DDR1: variants seen among roughly 807,000 people sequenced by gnomAD.
The protein encoded by DDR1 is discoidin domain receptor tyrosine kinase 1.
A neutral mutation model predicts 97.4 loss-of-function variants in DDR1; 64 were observed. The ratio of observed to expected loss-of-function variants is 0.66; its 90% CI spans 0.54 to 0.81. The LOEUF is 0.81. Among genes scored for constraint, DDR1 ranks in the 30% least tolerant of loss-of-function variants. The pLI, the probability that DDR1 is intolerant of heterozygous loss-of-function variation, is 0.00. For synonymous variants in DDR1, 458 were observed against 503.7 expected (o/e 0.91, Z 1.21); for missense variants, 990 against 1,259.6 (o/e 0.79, Z 3.24).
At position 30,889,415 on chromosome 6, in the gene DDR1, C is replaced by G. The variant is rs1419319558; in HGVS notation, c.402C>G (p.Asp134Glu). 1 of 1,554,770 alleles carries G rather than the reference C, an allele frequency of 6.4e-7. No individual in the cohort carries two copies. The highest frequency in any genetic ancestry group is 8.7e-7 in the Non-Finnish European group (1 of 1,151,080). ...RDGRRWMGWK[D>E]RWGQEVISGN... ...GTCGCCGCTGGATGGGCTGGAAGGA[C>G]CGCTGGGGTCAGGAGGTGAGACTGG... The change falls in exon 4 of 18, where the codon GAC becomes GAG. Residue 134 changes from aspartate (D) to glutamate (E), a missense_variant. Coordinates refer to ENST00000376568, the MANE Select transcript of DDR1 (RefSeq NM_001297654.2). The surrounding 1 kb of genome is among the most constrained non-coding windows in gnomAD (Gnocchi z 4.9).
Position 30,891,574 on chromosome 6 carries a change from G to T in DDR1, c.665+95G>T. ...GTGTGTGTGAGAGTGTGTGTGTGTA[G>T]GGGGGCTGGTAAGTAGGGTGGGGAG... On this transcript the variant is annotated intron_variant, in intron 6 of 17. Transcript: ENST00000376568. This position sits in a 1 kb window ranked among gnomAD's most constrained non-coding sequence, Gnocchi z 5.3. 6 of 817,442 alleles carry T rather than the reference G, an allele frequency of 7.3e-6. No homozygotes were observed. Among genetic ancestry groups the T allele is most frequent in the Non-Finnish European group, 1.1e-5 (6 of 536,938 alleles). The allele number at this position is 817,442 out of a possible 1,614,324, so 50.6% of individuals were successfully genotyped here. A position where few individuals can be genotyped will look rare whatever the true frequency, so the allele number is the denominator to read the frequency against.
Position 30,897,352 on chromosome 6 carries a change from C to T in DDR1, c.1998-27C>T. The T allele has an allele frequency of 3.1e-6, 5 of 1,612,594 alleles. No individual in the cohort carries two copies. The highest frequency in any genetic ancestry group is 1.1e-5 in the South Asian group (1 of 90,908). On this transcript the variant is annotated intron_variant, in intron 14 of 17. Coordinates refer to ENST00000376568, the MANE Select transcript of DDR1 (RefSeq NM_001297654.2). This position sits in a 1 kb window ranked among gnomAD's most constrained non-coding sequence, Gnocchi z 5.2. ...AGGTGCAGGCCGCCCACTCGGCATT[C>T]CTCTTCAGCTTCTCCTTGTTCTCCA...
chr6:30,897,637 C>A lies in DDR1; in HGVS notation c.2216+40C>A. The A allele has an allele frequency of 1.3e-6, 2 of 1,523,970 alleles. No individual in the cohort carries two copies. The highest frequency in any genetic ancestry group is 1.8e-6 in the Non-Finnish European group (2 of 1,115,540). The allele number at this position is 1,523,970 out of a possible 1,614,324, so 94.4% of individuals were successfully genotyped here. On this transcript the variant is annotated intron_variant, in intron 15 of 17. Transcript: ENST00000376568. This position sits in a 1 kb window ranked among gnomAD's most constrained non-coding sequence, Gnocchi z 5.2. Reference sequence around the variant, plus strand: ...AGGCTGGGCCTTGCTCAGAATTCCCCCAGGGGATCTCCTCCTCTCCCCTCG... The same window carrying A: ...AGGCTGGGCCTTGCTCAGAATTCCCACAGGGGATCTCCTCCTCTCCCCTCG...
chr6:30,885,625 G>T lies in DDR1; in HGVS notation c.-43+915G>T, dbSNP rs568430978. 9 of 1,355,490 alleles carry T rather than the reference G, an allele frequency of 6.6e-6. No individual in the cohort carries two copies. In the African/African-American group the frequency reaches 1.2e-4, roughly 17 times the overall value. 84.0% of individuals were successfully genotyped at this position (1,355,490 alleles called of 1,614,324 possible). ...GGTGTCTGTCATTTCATGTTCACAGGTGTCTGAAGGTGGCTATTCACTGAG... is the reference window on the plus strand; with the variant it reads ...GGTGTCTGTCATTTCATGTTCACAGTTGTCTGAAGGTGGCTATTCACTGAG... On this transcript the variant is annotated intron_variant, in intron 1 of 17. Transcript: ENST00000376568.
Position 30,895,406 on chromosome 6 carries a change from T to A in DDR1, c.1516T>A (p.Leu506Met). 6 of 1,609,716 alleles carry A rather than the reference T, an allele frequency of 3.7e-6. No homozygotes were observed. Among genetic ancestry groups the A allele is most frequent in the Non-Finnish European group, 5.1e-6 (6 of 1,178,296 alleles). The change falls in exon 12 of 18, where the codon TTG becomes ATG. Residue 506 changes from leucine (L) to methionine (M), a missense_variant and splice_region_variant. Physicochemically the swap from Leu to Met is conservative, Grantham distance 15. Transcript: ENST00000376568. ...TCCCCTCCTCCTTCTCCCGACAGCG[T>A]TGCTGCTCTCCAATCCAGCCTACCG... ...SAPCVPNGSA[L>M]LLSNPAYRLL...
chr6:30,892,090 G>C lies in DDR1; in HGVS notation c.754G>C (p.Gly252Arg). 6.2e-7 allele frequency: 1 copy of C among 1,614,206 alleles called. No homozygotes were observed. The highest frequency in any genetic ancestry group is 8.5e-7 in the Non-Finnish European group (1 of 1,180,022). ...RKSQELRVWP[G>R]YDYVGWSNHS... ...GAGTCAGGAGCTGCGGGTCTGGCCA[G>C]GCTATGACTATGTGGGATGGAGCAA... Residue 252 changes from glycine to arginine, a missense_variant, in exon 7 of 18, where the codon GGC (glycine) becomes CGC (arginine). By Grantham distance (125) the Gly-to-Arg change is moderately radical (BLOSUM62 -2). Transcript: ENST00000376568.
In DDR1 at chr6:30,897,325, G is replaced by A. The variant is rs779115859; in HGVS notation, c.1998-54G>A. 4 of 1,401,734 alleles carry A rather than the reference G, an allele frequency of 2.9e-6. No individual in the cohort carries two copies. The South Asian group carries it at 4.8e-5, about 17-fold the overall frequency. The allele number at this position is 1,401,734 out of a possible 1,614,324, so 86.8% of individuals were successfully genotyped here. ...GGGGCAGGGGGGTGGGGGCGCGGGG[G>A]AAGGTGCAGGCCGCCCACTCGGCAT... On this transcript the variant is annotated intron_variant, in intron 14 of 17. Coordinates refer to ENST00000376568, the MANE Select transcript of DDR1 (RefSeq NM_001297654.2). This position sits in a 1 kb window ranked among gnomAD's most constrained non-coding sequence, Gnocchi z 5.2.
At chr6:30,887,305 T>G (rs1312125980) in intron 1 of DDR1, among the ~76,000 whole-genome samples, 1 of 152,242 alleles carries the variant, frequency 6.6e-6, no homozygotes, top group Non-Finnish European at 1.5e-5. Context: ...TTTCATATTC[T>G]TTTACATATC....
In DDR1 at chr6:30,897,938, C is replaced by T; in HGVS notation, c.2217-135C>T. 1.5e-6 allele frequency: 1 copy of T among 678,688 alleles called. No individual in the cohort carries two copies. The allele number at this position is 678,688 out of a possible 1,614,324, so 42.0% of individuals were successfully genotyped here. ...CTGGGAGATTGAGAGGGAAGTGACCCTTGGCCTCACGTGGGCATTCCACCT... is the reference window on the plus strand; with the variant it reads ...CTGGGAGATTGAGAGGGAAGTGACCTTTGGCCTCACGTGGGCATTCCACCT... On this transcript the variant is annotated intron_variant, in intron 15 of 17. Transcript: ENST00000376568. The surrounding 1 kb of genome is among the most constrained non-coding windows in gnomAD (Gnocchi z 5.2).
chr6:30,886,105 T>C lies in DDR1; in HGVS notation c.-43+1395T>C, dbSNP rs1562366478. On this transcript the variant is annotated intron_variant, in intron 1 of 17. Transcript: ENST00000376568. This position sits in a 1 kb window ranked among gnomAD's most constrained non-coding sequence, Gnocchi z 4.6. ...CAGACGTCTCTGTGCTTCTCCGTGT[T>C]CCTCTGCTTGGCTCTGTGCCCCGTG... 1.3e-5 allele frequency among the ~76,000 whole-genome samples: 2 copies of C among 152,066 alleles called. No homozygotes were observed. Among genetic ancestry groups the C allele is most frequent in the African/African-American group, 4.8e-5 (2 of 41,398 alleles).
intron 8 of DDR1, 64 bp downstream of exon 8, chr6:30,892,606 T>C (rs2150361271): frequency 1.3e-6 from 2 of 1,501,986 alleles, no homozygotes; most frequent in Non-Finnish European, 8.9e-7. Context: ...TTCCTAACCC[T>C]GCAGTGTCCC....
chr6:30,899,040 C>G lies in DDR1; in HGVS notation c.2601+3C>G, dbSNP rs2150476965. The G allele has an allele frequency of 6.2e-7, 1 of 1,614,076 alleles. No individual in the cohort carries two copies. The highest frequency in any genetic ancestry group is 1.1e-5 in the South Asian group (1 of 91,078). ...TCTTCCGGGACCAGGGCCGGCAGGT[C>G]AGAGTGGAGGAGAGGGAAGATGGGT... On this transcript the variant is annotated splice_donor_region_variant and intron_variant, in intron 17 of 17. Transcript: ENST00000376568.
At position 30,898,219 on chromosome 6, in the gene DDR1, G is replaced by A; in HGVS notation, c.2363G>A (p.Ser788Asn). Reference protein sequence around the residue: ...FTIKIADFGMSRNLYAGDYYR... With the variant: ...FTIKIADFGMNRNLYAGDYYR... ...ATCAAAATCGCAGACTTTGGCATGAGCCGGAACCTCTATGCTGGGGACTAT... is the reference window on the plus strand; with the variant it reads ...ATCAAAATCGCAGACTTTGGCATGAACCGGAACCTCTATGCTGGGGACTAT... Residue 788 changes from serine to asparagine, a missense_variant, in exon 16 of 18, where the codon AGC (serine) becomes AAC (asparagine). Transcript: ENST00000376568. 1 of 1,614,248 alleles carries A rather than the reference G, an allele frequency of 6.2e-7. No homozygotes were observed. The highest frequency in any genetic ancestry group is 1.1e-5 in the South Asian group (1 of 91,090).
In DDR1 at chr6:30,892,174, TTCCAG is replaced by T; in HGVS notation, c.839_843del (p.Phe280CysfsTer7). 6.2e-7 allele frequency: 1 copy of T among 1,614,198 alleles called. No individual in the cohort carries two copies. The highest frequency in any genetic ancestry group is 8.5e-7 in the Non-Finnish European group (1 of 1,180,004). ...GTTTGAGTTTGACCGGCTGAGGGCC[TTCCAG>T]GCTATGCAGGTGAGTGAGTCCGGCT... On this transcript the variant is annotated frameshift_variant, in exon 7 of 18. Transcript: ENST00000376568. LOFTEE classifies it high-confidence loss of function.
At chr6:30,896,116 G>A (rs118151663) in intron 12 of DDR1, among the ~76,000 whole-genome samples, 1 of 151,614 alleles carries the variant, frequency 6.6e-6, no homozygotes, top group East Asian at 2.0e-4. Flanking sequence ...GTCTCTGCTT[G>A]TTGTTGAGCT....
chr6:30,891,228 C>T lies in DDR1; in HGVS notation c.565+108C>T, dbSNP rs764082863. ...CCCTTCTCCTGCTGGGAAGCTGTCA[C>T]TCTGAGGAGGGGGCTAGCCAGCATT... On this transcript the variant is annotated intron_variant, in intron 5 of 17. Transcript: ENST00000376568. The surrounding 1 kb of genome is among the most constrained non-coding windows in gnomAD (Gnocchi z 5.3). 1 of 1,523,512 alleles carries T rather than the reference C, an allele frequency of 6.6e-7. No homozygotes were observed. The highest frequency in any genetic ancestry group is 1.4e-5 in the African/African-American group (1 of 73,222). The allele number at this position is 1,523,512 out of a possible 1,614,324, so 94.4% of individuals were successfully genotyped here. A position where few individuals can be genotyped will look rare whatever the true frequency, so the allele number is the denominator to read the frequency against.
chr6:30,893,042 CCTTT>C, intron 8 of DDR1, 22 bp from the exon 9 acceptor site: 2 of 1,596,260 alleles, frequency 1.3e-6, no homozygotes, highest in Non-Finnish European at 1.7e-6. Context: ...TTACCTCCCT[CCTTT>C]CTTTTTGTTC....
At position 30,888,979 on chromosome 6, in the gene DDR1, TG is replaced by T; in HGVS notation, c.159del (p.Trp53CysfsTer88). 1 of 1,612,978 alleles carries T rather than the reference TG, an allele frequency of 6.2e-7. No individual in the cohort carries two copies. Among genetic ancestry groups the T allele is most frequent in the Non-Finnish European group, 8.5e-7 (1 of 1,180,022 alleles). On this transcript the variant is annotated frameshift_variant, in exon 3 of 18. Coordinates refer to ENST00000376568, the MANE Select transcript of DDR1 (RefSeq NM_001297654.2). LOFTEE classifies it high-confidence loss of function. This position sits in a 1 kb window ranked among gnomAD's most constrained non-coding sequence, Gnocchi z 4.2. ...CAGTGACATCTCTGCTTCCAGCTCC[TG>T]GTCAGATTCCACTGCCGCCCGCCAC... is the stretch of plus-strand genomic sequence containing the variant. ...PDSDISASSS[W>X]SDSTAARHSR... is the part of the protein sequence containing the mutation.
intron 12 of DDR1, among the ~76,000 whole-genome samples, chr6:30,896,281 G>A (rs1394240313): frequency 6.6e-6 from 1 of 151,820 alleles, no homozygotes; most frequent in Non-Finnish European, 1.5e-5. Flanking sequence ...ACCATCCTGA[G>A]GCGGGAGAAT....
Sources: allele counts gnomAD v4.1 joint callset (sites outside exome capture counted in the v4.1 genomes callset), GRCh38; gene constraint gnomAD v4.1.1; non-coding constraint Gnocchi (gnomAD v3.1); transcripts MANE v1.5; gene names NCBI Gene and HGNC (gene_info 2026-07-23, HGNC 2026-07-21).